MRTFA: variants seen among roughly 807,000 people sequenced by gnomAD.
The protein encoded by MRTFA is myocardin-related transcription factor A.
MRTFA carries 20 observed loss-of-function variants against 83.5 expected under a neutral mutation model. The ratio of observed to expected loss-of-function variants is 0.24; its 90% CI spans 0.17 to 0.35. The LOEUF (loss-of-function observed/expected upper bound fraction) is 0.35, where lower values mean the gene tolerates loss of function less well. MRTFA is among the 10% of genes least tolerant of loss of function. The probability of loss-of-function intolerance (pLI) is 1.00; values close to 1 mark genes in which losing one functional copy is unlikely to be tolerated. For synonymous variants in MRTFA, 659 were observed against 541.2 expected, an observed-to-expected ratio of 1.22 and a Z score of -3.02; for missense variants, 1,200 against 1,224.7, an observed-to-expected ratio of 0.98 and a Z score of 0.30.
At position 40,416,554 on chromosome 22, in the gene MRTFA, G is replaced by A. The variant is rs540883522; in HGVS notation, c.2578+432C>T. On this transcript the variant is annotated intron_variant, in intron 14 of 14. Coordinates refer to ENST00000355630, the MANE Select transcript of MRTFA (RefSeq NM_020831.6). This position sits in a 1 kb window ranked among gnomAD's most constrained non-coding sequence, Gnocchi z 4.2. ...CAACCCGCCAGGTACTCCCGAGGCC[G>A]CACAGATGCACACAGCTGCCCCTGC... is the stretch of plus-strand genomic sequence containing the variant. Among the ~76,000 whole-genome samples, 4 of 152,288 alleles carry A rather than the reference G, an allele frequency of 2.6e-5. No individual in the cohort carries two copies. The highest frequency in any genetic ancestry group is 1.9e-4 in the East Asian group (1 of 5,182).
intron 2 of MRTFA, chr22:40,587,816 G>T: frequency 2.9e-6 from 1 of 342,644 alleles, no homozygotes. Context: ...TTCAGCACTG[G>T]TCTGACGACC....
Position 40,418,875 on chromosome 22 carries a change from G to C in MRTFA, c.1863C>G (p.Arg621=), listed in dbSNP as rs772288792. Residue 621 remains arginine, a synonymous_variant, in exon 12 of 15, where the codon CGC becomes CGG. Coordinates refer to ENST00000355630, the MANE Select transcript of MRTFA (RefSeq NM_020831.6). ...TCTCCTGCAGCATCTGGTCCTTGTC[G>C]CGCCCCTCTAGCTCCGCCCGCCCCC... The C allele has an allele frequency of 6.2e-7, 1 of 1,612,476 alleles. No individual in the cohort carries two copies. Among genetic ancestry groups the C allele is most frequent in the East Asian group, 2.2e-5 (1 of 44,844 alleles).
intron 2 of MRTFA, among the ~76,000 whole-genome samples, chr22:40,559,162 G>C (rs2055576300): frequency 1.3e-5 from 2 of 152,152 alleles, no homozygotes; most frequent in Admixed American, 6.5e-5. Context: ...GGCCAAGGTG[G>C]GCAGATTGTT....
chr22:40,590,265 G>T (rs1347553310), intron 2 of MRTFA, among the ~76,000 whole-genome samples: 4 of 152,040 alleles, frequency 2.6e-5, no homozygotes, highest in African/African-American at 9.7e-5. Context: ...TATCACTAAG[G>T]GGAAAAGACA....
chr22:40,453,693 A>T (rs2053535664), intron 4 of MRTFA, among the ~76,000 whole-genome samples: 1 of 152,140 alleles, frequency 6.6e-6, no homozygotes, highest in African/African-American at 2.4e-5. Context: ...TTAAAAGCAA[A>T]CAAGTGCTAT....
intron 3 of MRTFA, among the ~76,000 whole-genome samples, chr22:40,535,733 A>C (rs1271335430): frequency 2.0e-5 from 3 of 152,186 alleles, no homozygotes; most frequent in Non-Finnish European, 4.4e-5. Context: ...TTACAGGAAA[A>C]TAAATATAAA....
chr22:40,615,008 A>G (rs2147420852), intron 1 of MRTFA, among the ~76,000 whole-genome samples: 1 of 152,192 alleles, frequency 6.6e-6, no homozygotes, highest in South Asian at 2.1e-4. Flanking sequence ...GCAATTTATC[A>G]ATTTTTACTT....
intron 3 of MRTFA, among the ~76,000 whole-genome samples, chr22:40,542,338 ATC>A (rs2055305037): frequency 6.6e-6 from 1 of 152,150 alleles, no homozygotes; most frequent in Non-Finnish European, 1.5e-5. Context: ...TCACTATTAG[ATC>A]TGTTATTCTG....
At position 40,463,158 on chromosome 22, in the gene MRTFA, C is replaced by G. The variant is rs531881616; in HGVS notation, c.307+63G>C. The G allele has an allele frequency of 1.2e-5, 16 of 1,374,254 alleles. No individual in the cohort carries two copies. The East Asian group carries it at 3.4e-4, about 30-fold the overall frequency. 85.1% of individuals were successfully genotyped at this position (1,374,254 alleles called of 1,614,324 possible). ...TATGTTAGATGCTTCCCATGGCATA[C>G]TCGGTGAACACAGCCATGTCCTAAA... On this transcript the variant is annotated intron_variant, in intron 4 of 14. Transcript: ENST00000355630.
At chr22:40,521,180 C>T (rs2054859752) in intron 3 of MRTFA, among the ~76,000 whole-genome samples, 1 of 152,166 alleles carries the variant, frequency 6.6e-6, no homozygotes, top group African/African-American at 2.4e-5. Context: ...AACCAGAATA[C>T]TGGCACTGTT....
At chr22:40,636,109 C>G (rs1321942130) in intron 1 of MRTFA, among the ~76,000 whole-genome samples, 1 of 152,246 alleles carries the variant, frequency 6.6e-6, no homozygotes, top group East Asian at 1.9e-4. Context: ...AAGGTCTGCA[C>G]AAGACCCCAG....
chr22:40,540,310 T>C (rs1325356798), intron 3 of MRTFA, among the ~76,000 whole-genome samples: 1 of 152,280 alleles, frequency 6.6e-6, no homozygotes, highest in East Asian at 1.9e-4. Context: ...AAACCATCCT[T>C]GTTACCAACT....
rs763993455 is a variant in MRTFA at position 40,419,133 on chromosome 22, C to T, written c.1605G>A (p.Thr535=). Residue 535 remains threonine (T), a synonymous_variant, in exon 12 of 15, where the codon ACG becomes ACA. Transcript: ENST00000355630. ...ACTTCACCACCCCACTGCTGGCCAC[C>T]GTGGCCACCACCACCTCAGCTGGAG... 38 of 1,587,516 alleles carry T rather than the reference C, an allele frequency of 2.4e-5. No homozygotes were observed. The highest frequency in any genetic ancestry group is 1.7e-4 in the Middle Eastern group (1 of 6,050).
At chr22:40,562,139 C>A (rs2055628124) in intron 2 of MRTFA, among the ~76,000 whole-genome samples, 1 of 151,824 alleles carries the variant, frequency 6.6e-6, no homozygotes, top group Non-Finnish European at 1.5e-5. Context: ...ACGGCGTGAA[C>A]CCGGGAGGCG....
chr22:40,581,494 T>C (rs575668783), intron 2 of MRTFA, among the ~76,000 whole-genome samples: 6 of 152,180 alleles, frequency 3.9e-5, no homozygotes, highest in Non-Finnish European at 7.3e-5. Flanking sequence ...TTGTTAACAA[T>C]TGGTAGTATG....
rs1447788425 is a variant in MRTFA, at chr22:40,410,376, CTA to C, written c.*1012_*1013del. The C allele has an allele frequency of 4.1e-6, 1 of 244,890 alleles. No individual in the cohort carries two copies. Among genetic ancestry groups the C allele is most frequent in the Non-Finnish European group, 7.8e-6 (1 of 128,586 alleles). The allele number at this position is 244,890 out of a possible 1,614,324, so 15.2% of individuals were successfully genotyped here. On this transcript the variant is annotated 3_prime_UTR_variant, in exon 15 of 15. Coordinates refer to ENST00000355630, the MANE Select transcript of MRTFA (RefSeq NM_020831.6). ...TTTTGGTGACTCCACCCCTACTCCC[CTA>C]TGAGTCAGCCCAGAATGTGAAGCCA...
At chr22:40,563,510 A>G (rs1176459596) in intron 2 of MRTFA, among the ~76,000 whole-genome samples, 1 of 151,888 alleles carries the variant, frequency 6.6e-6, no homozygotes, top group African/African-American at 2.4e-5. Flanking sequence ...ACAGAAAAAA[A>G]AAAAAAAAAA....
intron 3 of MRTFA, among the ~76,000 whole-genome samples, chr22:40,476,581 C>G (rs1367628671): frequency 6.6e-6 from 1 of 152,130 alleles, no homozygotes; most frequent in Non-Finnish European, 1.5e-5. Context: ...CTTGCCTCAG[C>G]TTCTTCAGTA....
At position 40,423,108 on chromosome 22, in the gene MRTFA, C is replaced by A. The variant is rs1386838549; in HGVS notation, c.927+428G>T. On this transcript the variant is annotated intron_variant, in intron 9 of 14. Coordinates refer to ENST00000355630, the MANE Select transcript of MRTFA (RefSeq NM_020831.6). ...GGTCCCCCACACCGACAGTGGTAAC[C>A]CCCGCCTCCTGCAGGCATTTCAGGC... Among the ~76,000 whole-genome samples the A allele has an allele frequency of 1.3e-5, 2 of 152,214 alleles. 1 individual carries two copies. Among genetic ancestry groups the A allele is most frequent in the Non-Finnish European group, 2.9e-5 (2 of 68,032 alleles).
Sources: allele counts gnomAD v4.1 joint callset (sites outside exome capture counted in the v4.1 genomes callset), GRCh38; gene constraint gnomAD v4.1.1; non-coding constraint Gnocchi (gnomAD v3.1); transcripts MANE v1.5; gene names NCBI Gene and HGNC (gene_info 2026-07-23, HGNC 2026-07-21).